The following PDGFD variants were observed in gnomAD, a reference collection of about 807,000 sequenced individuals.
PDGFD encodes the protein platelet derived growth factor D.
A neutral mutation model predicts 44.7 loss-of-function variants in PDGFD; 30 were observed. The ratio of observed to expected loss-of-function variants is 0.67; its 90% CI spans 0.50 to 0.91. PDGFD has a LOEUF of 0.91. PDGFD is among the 40% of genes least tolerant of loss of function. The pLI is 0.00. For missense variants in PDGFD, 445 were observed against 457.8 expected (o/e 0.97, Z 0.25); for synonymous variants, 173 against 168.4 (o/e 1.03, Z -0.21).
chr11:103,928,369 T>G (rs1448156395), intron 5 of PDGFD, among the ~76,000 whole-genome samples: 1 of 152,216 alleles, frequency 6.6e-6, no homozygotes, highest in African/African-American at 2.4e-5. Context: ...CCATGAATGT[T>G]AGGCAGTTAT....
intron 1 of PDGFD, chr11:104,037,299 G>C: frequency 6.2e-7 from 1 of 1,613,520 alleles, no homozygotes; most frequent in Non-Finnish European, 8.5e-7. Context: ...ATCTGTCCCT[G>C]CTCAAGGAAC....
chr11:104,123,495 T>C (rs1341907774), intron 1 of PDGFD, among the ~76,000 whole-genome samples: 1 of 152,078 alleles, frequency 6.6e-6, no homozygotes, highest in African/African-American at 2.4e-5. Flanking sequence ...AGTTGCCTAC[T>C]GAATGTTAAA....
Position 104,009,263 on chromosome 11 carries a change from G to A in PDGFD, c.125-9008C>T, listed in dbSNP as rs557849176. Among the ~76,000 whole-genome samples, 3 of 152,096 alleles carry A rather than the reference G, an allele frequency of 2.0e-5. No homozygotes were observed. The East Asian group carries it at 5.8e-4, about 29-fold the overall frequency. On this transcript the variant is annotated intron_variant, in intron 1 of 6. Coordinates refer to ENST00000393158, the MANE Select transcript of PDGFD (RefSeq NM_025208.5). ...AAAGAAGAAAAATGCTGTAACAAAA[G>A]TAAAATAGTTTGCTGTTATATATGG...
At chr11:104,037,598 T>C in intron 1 of PDGFD, 1 of 1,614,076 alleles carries the variant, frequency 6.2e-7, no homozygotes, top group Non-Finnish European at 8.5e-7. Context: ...AAGGCTTTTG[T>C]TGACTCGGGC....
chr11:104,028,722 C>T (rs1007612432), intron 1 of PDGFD, among the ~76,000 whole-genome samples: 5 of 149,486 alleles, frequency 3.3e-5, no homozygotes, highest in Admixed American at 6.8e-5. Flanking sequence ...GCAGTAAGAA[C>T]ATGAAATAAA....
intron 1 of PDGFD, among the ~76,000 whole-genome samples, chr11:104,089,322 A>G (rs1232399590): frequency 6.6e-6 from 1 of 152,228 alleles, no homozygotes; most frequent in African/African-American, 2.4e-5. Flanking sequence ...TCTGAGGAGC[A>G]CACAGAGCTT....
chr11:104,055,194 T>C (rs774143338), intron 1 of PDGFD, among the ~76,000 whole-genome samples: 2 of 152,190 alleles, frequency 1.3e-5, no homozygotes, highest in African/African-American at 2.4e-5. Flanking sequence ...GAATTAATAG[T>C]TTGGCAAACA....
chr11:104,108,238 T>A (rs201572380), intron 1 of PDGFD, among the ~76,000 whole-genome samples: 15,651 of 151,854 alleles, frequency 0.1, 951 homozygotes, highest in East Asian at 0.32. Flanking sequence ...GCTTCTGCAC[T>A]AAAGAAACTA....
intron 1 of PDGFD, among the ~76,000 whole-genome samples, chr11:104,110,667 T>C (rs1408836045): frequency 6.6e-6 from 1 of 152,174 alleles, no homozygotes; most frequent in Non-Finnish European, 1.5e-5. Context: ...AAAGAAATCC[T>C]CCACGCTGTG....
chr11:103,969,727 C>T (rs888765379), intron 3 of PDGFD, among the ~76,000 whole-genome samples: 36 of 151,846 alleles, frequency 2.4e-4, no homozygotes, highest in African/African-American at 8.0e-4. Context: ...AAAATTTATT[C>T]ACTACCCATA....
At chr11:104,099,848 T>C (rs1314743548) in intron 1 of PDGFD, among the ~76,000 whole-genome samples, 1 of 152,018 alleles carries the variant, frequency 6.6e-6, no homozygotes, top group African/African-American at 2.4e-5. Context: ...CTAACGTAGA[T>C]ATCACCCTTC....
chr11:104,130,190 G>T (rs1861899827), intron 1 of PDGFD, among the ~76,000 whole-genome samples: 1 of 152,112 alleles, frequency 6.6e-6, no homozygotes, highest in African/African-American at 2.4e-5. Flanking sequence ...AGGGGTATAT[G>T]ATGAGGCAGA....
Position 103,909,687 on chromosome 11 carries a change from C to T in PDGFD, c.*7G>A, listed in dbSNP as rs1857997700. On this transcript the variant is annotated 3_prime_UTR_variant, in exon 7 of 7. Coordinates refer to ENST00000393158, the MANE Select transcript of PDGFD (RefSeq NM_025208.5). ...TTCAGGCTTAATGTAAGGATGTGCA[C>T]ATTCTCTTATCGAGGTGGTCTTGAG... The T allele has an allele frequency of 6.2e-7, 1 of 1,614,044 alleles. No individual in the cohort carries two copies. The highest frequency in any genetic ancestry group is 8.5e-7 in the Non-Finnish European group (1 of 1,179,912).
At chr11:104,082,941 CT>C (rs1157351563) in intron 1 of PDGFD, among the ~76,000 whole-genome samples, 1 of 152,104 alleles carries the variant, frequency 6.6e-6, no homozygotes, top group Non-Finnish European at 1.5e-5. Context: ...TAAGAACATC[CT>C]ATCCTGTCTC....
chr11:103,947,120 G>C (rs1325818052), intron 4 of PDGFD, among the ~76,000 whole-genome samples: 2 of 152,210 alleles, frequency 1.3e-5, no homozygotes, highest in African/African-American at 2.4e-5. Flanking sequence ...AAATGACTAA[G>C]TTTAGAGAAA....
At chr11:104,045,223 A>G (rs1860421545) in intron 1 of PDGFD, among the ~76,000 whole-genome samples, 1 of 152,206 alleles carries the variant, frequency 6.6e-6, no homozygotes, top group Admixed American at 6.5e-5. Flanking sequence ...AATGATCAGT[A>G]TATGTCTAAG....
intron 1 of PDGFD, among the ~76,000 whole-genome samples, chr11:104,112,760 C>G (rs1861577946): frequency 6.6e-6 from 1 of 151,996 alleles, no homozygotes; most frequent in African/African-American, 2.4e-5. Flanking sequence ...CCTTAGCAAA[C>G]TAACACAGGA....
At chr11:103,986,002 TG>T in intron 3 of PDGFD, among the ~76,000 whole-genome samples, 1 of 152,174 alleles carries the variant, frequency 6.6e-6, no homozygotes, top group South Asian at 2.1e-4. Context: ...TTTAATGTTT[TG>T]CCTGTCTGGC....
At chr11:104,044,455 T>A (rs1860407431) in intron 1 of PDGFD, among the ~76,000 whole-genome samples, 1 of 152,134 alleles carries the variant, frequency 6.6e-6, no homozygotes, top group South Asian at 2.1e-4. Flanking sequence ...AAAAGTGGCA[T>A]TTTTTAACCT....
Sources: allele counts gnomAD v4.1 joint callset (sites outside exome capture counted in the v4.1 genomes callset), GRCh38; gene constraint gnomAD v4.1.1; transcripts MANE v1.5; gene names NCBI Gene and HGNC (gene_info 2026-07-23, HGNC 2026-07-21).